NIN: variants seen among roughly 807,000 people sequenced by gnomAD.
NIN encodes ninein.
A neutral mutation model predicts 257.6 loss-of-function variants in NIN; 137 were observed. That is an observed-to-expected ratio of 0.53 (90% CI 0.46 to 0.61). NIN has a LOEUF of 0.61. NIN is among the 20% of genes least tolerant of loss of function. The pLI, the probability that NIN is intolerant of heterozygous loss-of-function variation, is 0.00. For missense variants in NIN, 2,439 were observed against 2,501.2 expected (o/e 0.98, Z 0.53); for synonymous variants, 918 against 919.8 (o/e 1.00, Z 0.04).
Position 50,735,376 on chromosome 14 carries a change from C to T in NIN, c.5877+140G>A, listed in dbSNP as rs1040231470. 7.7e-5 allele frequency: 95 copies of T among 1,235,862 alleles called. 1 individual carries two copies. The East Asian group carries it at 1.7e-3, about 22-fold the overall frequency. 76.6% of individuals were successfully genotyped at this position (1,235,862 alleles called of 1,614,324 possible). A position where few individuals can be genotyped will look rare whatever the true frequency, so the allele number is the denominator to read the frequency against. The stretch of plus-strand genomic sequence containing the variant: ...AAGTTGTCTGTTAAACTTGGTAAGG[C>T]GGACCAAAGAATTCAACTTGGCAGT... On this transcript the variant is annotated intron_variant, in intron 28 of 30. Coordinates refer to ENST00000530997, the MANE Select transcript of NIN (RefSeq NM_020921.4).
chr14:50,748,668 T>C (rs900928715), intron 21 of NIN, among the ~76,000 whole-genome samples: 5 of 152,070 alleles, frequency 3.3e-5, no homozygotes, highest in Admixed American at 6.6e-5. Context: ...AGCATTCCTA[T>C]ATACCAATGA....
At chr14:50,767,617 ACCAT>A (rs1282291925) in intron 12 of NIN, among the ~76,000 whole-genome samples, 2 of 152,154 alleles carry the variant, frequency 1.3e-5, no homozygotes, top group Non-Finnish European at 2.9e-5. Flanking sequence ...GGAGATCGAG[ACCAT>A]CCTGGCGAAC....
At chr14:50,822,385 C>T (rs1035778131) in intron 2 of NIN, among the ~76,000 whole-genome samples, 6 of 152,212 alleles carry the variant, frequency 3.9e-5, no homozygotes, top group African/African-American at 9.7e-5. Flanking sequence ...GGTTCTCAGG[C>T]GGACAGCCAG....
intron 27 of NIN, among the ~76,000 whole-genome samples, chr14:50,737,658 T>G (rs1407321749): frequency 8.0e-5 from 12 of 150,626 alleles, no homozygotes; most frequent in African/African-American, 2.9e-4. Flanking sequence ...TTTTTTTTTT[T>G]TTTTTTAAAC....
At chr14:50,734,424 T>C (rs976747130) in intron 28 of NIN, among the ~76,000 whole-genome samples, 2 of 152,162 alleles carry the variant, frequency 1.3e-5, no homozygotes, top group Non-Finnish European at 2.9e-5. Context: ...CTTAACAATA[T>C]GTGTATACAC....
In NIN at chr14:50,763,822, T is replaced by G; in HGVS notation, c.1774+4A>C. 1 of 1,614,010 alleles carries G rather than the reference T, an allele frequency of 6.2e-7. No homozygotes were observed. Among genetic ancestry groups the G allele is most frequent in the Middle Eastern group, 1.7e-4 (1 of 6,056 alleles). Reference sequence around the variant, plus strand: ...TTATCTACAGCCTGTCCGAATGTGTTTACCGTGTTCGGGCTCAATGCCACC... The same window carrying G: ...TTATCTACAGCCTGTCCGAATGTGTGTACCGTGTTCGGGCTCAATGCCACC... On this transcript the variant is annotated splice_donor_region_variant and intron_variant, in intron 15 of 30. Coordinates refer to ENST00000530997, the MANE Select transcript of NIN (RefSeq NM_020921.4).
intron 14 of NIN, among the ~76,000 whole-genome samples, chr14:50,765,838 T>G (rs1218755239): frequency 1.5e-5 from 1 of 65,404 alleles, no homozygotes; most frequent in East Asian, 1.9e-3. Context: ...ATAGCTAACA[T>G]TTATGTTTTT....
intron 21 of NIN, among the ~76,000 whole-genome samples, chr14:50,748,708 C>A (rs1351548623): frequency 1.3e-5 from 2 of 152,122 alleles, no homozygotes; most frequent in Admixed American, 1.3e-4. Context: ...CTTCCATTCA[C>A]AATTGCTATA....
chr14:50,771,286 C>A, intron 10 of NIN, 46 bp downstream of exon 10: 1 of 1,601,174 alleles, frequency 6.2e-7, no homozygotes, highest in Non-Finnish European at 8.5e-7. Context: ...ACTTGCTGGA[C>A]AAGTAGGAAA....
chr14:50,786,235 AG>A (rs1387382322), intron 5 of NIN, among the ~76,000 whole-genome samples: 2 of 152,352 alleles, frequency 1.3e-5, no homozygotes, highest in African/African-American at 4.8e-5. Context: ...TGCTCCTCAG[AG>A]CTGCTAAGTA....
At chr14:50,800,007 T>TACACAC (rs71118902) in intron 4 of NIN, among the ~76,000 whole-genome samples, 16,128 of 147,876 alleles carry the variant, frequency 0.11, 974 homozygotes, top group Admixed American at 0.23. Context: ...TATATACACA[T>TACACAC]ACACACACAC....
Position 50,757,565 on chromosome 14 carries a change from C to T in NIN, c.3465G>A (p.Leu1155=), listed in dbSNP as rs1286126029. ...SDLEDDEVRD[L]GSTGTSSVQR... Reference sequence around the variant, plus strand: ...GAACAGAGCTCGTCCCTGTACTTCCCAGGTCCCGGACCTCATCATCTTCCA... The same window carrying T: ...GAACAGAGCTCGTCCCTGTACTTCCTAGGTCCCGGACCTCATCATCTTCCA... The change falls in exon 18 of 31, where the codon CTG becomes CTA. Residue 1155 remains leucine, a synonymous_variant. Coordinates refer to ENST00000530997, the MANE Select transcript of NIN (RefSeq NM_020921.4). 6.2e-7 allele frequency: 1 copy of T among 1,614,016 alleles called. No individual in the cohort carries two copies. The highest frequency in any genetic ancestry group is 1.3e-5 in the African/African-American group (1 of 74,886).
intron 27 of NIN, among the ~76,000 whole-genome samples, chr14:50,737,495 C>CAAA (rs58386910): frequency 1.5e-3 from 79 of 54,426 alleles, no homozygotes; most frequent in South Asian, 3.3e-3. Context: ...TGTTACATAG[C>CAAA]AAAAAAAAAA....
intron 3 of NIN, among the ~76,000 whole-genome samples, chr14:50,820,344 G>C (rs1255423920): frequency 6.6e-6 from 1 of 152,216 alleles, no homozygotes; most frequent in Non-Finnish European, 1.5e-5. Context: ...GCAAAGCATT[G>C]ACCTGCTGCC....
intron 29 of NIN, chr14:50,726,471 A>T: frequency 6.1e-6 from 1 of 162,684 alleles, no homozygotes; most frequent in South Asian, 1.9e-4. Context: ...CAAGCACTGA[A>T]TATATTCAGG....
chr14:50,777,439 C>T (rs1210890580), intron 6 of NIN, among the ~76,000 whole-genome samples: 6 of 152,160 alleles, frequency 3.9e-5, no homozygotes, highest in Admixed American at 3.9e-4. Context: ...ACATCACAAG[C>T]TTAGGCTATA....
At chr14:50,724,328 AT>A (rs2040335310) in intron 30 of NIN, 1 of 209,982 alleles carries the variant, frequency 4.8e-6, no homozygotes. Context: ...ACAAGTGTTC[AT>A]TTTACACCCA....
intron 27 of NIN, among the ~76,000 whole-genome samples, chr14:50,737,599 G>T (rs1168427680): frequency 6.9e-6 from 1 of 144,806 alleles, no homozygotes; most frequent in Non-Finnish European, 1.5e-5. Context: ...TAATAAAGAT[G>T]ATTAATTGCC....
intron 3 of NIN, among the ~76,000 whole-genome samples, chr14:50,811,981 C>T (rs879938768): frequency 1.3e-5 from 2 of 148,516 alleles, no homozygotes; most frequent in East Asian, 2.0e-4. Context: ...TGTAGCTGGG[C>T]GTGGTGGCAG....
Sources: gnomAD v4.1 joint callset for allele counts (sites outside exome capture counted in the v4.1 genomes callset) on GRCh38, gnomAD v4.1.1 for gene constraint, MANE v1.5 for transcripts, NCBI Gene and HGNC (gene_info 2026-07-23, HGNC 2026-07-21) for gene names.